The following RPA3 variants were observed in gnomAD, a reference collection of about 807,000 sequenced individuals.
RPA3 encodes replication protein A 14 kDa subunit.
Under a neutral mutation model 13.7 loss-of-function variants are expected in RPA3, and 24 were observed. That is an observed-to-expected ratio of 1.75 (90% CI 1.27 to 2.46). The LOEUF (loss-of-function observed/expected upper bound fraction) is 2.46. Among genes scored for constraint, RPA3 ranks in the 30% most tolerant of loss-of-function variants. The probability of loss-of-function intolerance (pLI) is 0.00; values close to 1 mark genes in which losing one functional copy is unlikely to be tolerated. For synonymous variants in RPA3, 59 were observed against 51.2 expected (o/e 1.15, Z -0.65); for missense variants, 183 against 151.0 (o/e 1.21, Z -1.11).
rs558181620 is a variant in RPA3 at position 7,645,166 on chromosome 7, A to G, written c.-757-3991T>C. On this transcript the variant is annotated intron_variant, in intron 4 of 7. Transcript: ENST00000223129. ...TTTTGGAATTTTCTATTCATATTTG[A>G]ATAATTATAGTTTTGTTTCTTAAGA... Among the ~76,000 whole-genome samples, 10 of 152,194 alleles carry G rather than the reference A, an allele frequency of 6.6e-5. 1 individual carries two copies. Among genetic ancestry groups the G allele is most frequent in the African/African-American group, 2.4e-4 (10 of 41,530 alleles).
intron 2 of RPA3, among the ~76,000 whole-genome samples, chr7:7,697,666 G>C (rs1024540927): frequency 2.0e-5 from 3 of 152,080 alleles, no homozygotes; most frequent in African/African-American, 7.2e-5. Context: ...TGTGACATTG[G>C]CACCCAGTGT....
intron 2 of RPA3, among the ~76,000 whole-genome samples, chr7:7,693,820 AAC>A (rs1389958053): frequency 2.0e-5 from 3 of 152,194 alleles, no homozygotes; most frequent in Non-Finnish European, 2.9e-5. Context: ...TAATCATATT[AAC>A]ACTACTTACC....
chr7:7,711,974 A>C (rs1780776609), intron 2 of RPA3, among the ~76,000 whole-genome samples: 1 of 152,082 alleles, frequency 6.6e-6, no homozygotes, highest in South Asian at 2.1e-4. Context: ...TTGTAGGGAT[A>C]ACCTATTTTC....
At chr7:7,638,058 T>A in intron 6 of RPA3, 86 bp from the exon 7 acceptor site, 1 of 862,542 alleles carries the variant, frequency 1.2e-6, no homozygotes, top group South Asian at 1.7e-5. Flanking sequence ...AGGTTACTAA[T>A]CTATCACTTC....
intron 4 of RPA3, among the ~76,000 whole-genome samples, chr7:7,653,217 A>C (rs1785267356): frequency 6.6e-6 from 1 of 152,230 alleles, no homozygotes; most frequent in South Asian, 2.1e-4. Flanking sequence ...AGTGTTATTT[A>C]CACTCAAATC....
chr7:7,690,732 A>G (rs1317090910), intron 2 of RPA3, among the ~76,000 whole-genome samples: 2 of 152,154 alleles, frequency 1.3e-5, no homozygotes, highest in African/African-American at 2.4e-5. Context: ...GTATTGAGCT[A>G]CCTTATATGA....
chr7:7,688,768 G>A (rs898887434), intron 2 of RPA3, among the ~76,000 whole-genome samples: 5 of 152,016 alleles, frequency 3.3e-5, no homozygotes, highest in African/African-American at 9.7e-5. Context: ...AACCCGCTGC[G>A]TATTTTATAA....
intron 4 of RPA3, among the ~76,000 whole-genome samples, chr7:7,664,083 G>A (rs1779369562): frequency 6.6e-6 from 1 of 152,142 alleles, no homozygotes; most frequent in Non-Finnish European, 1.5e-5. Flanking sequence ...TAAACATCGT[G>A]AATTTCTTGC....
intron 2 of RPA3, among the ~76,000 whole-genome samples, chr7:7,714,672 G>A (rs1780848268): frequency 6.6e-6 from 1 of 152,046 alleles, no homozygotes; most frequent in African/African-American, 2.4e-5. Flanking sequence ...ACATAAGAAA[G>A]ACTTAGAACT....
intron 4 of RPA3, among the ~76,000 whole-genome samples, chr7:7,642,745 C>T (rs1785003225): frequency 6.6e-6 from 1 of 152,140 alleles, no homozygotes; most frequent in Non-Finnish European, 1.5e-5. Flanking sequence ...AGAAATGGAA[C>T]TTTACCAGTT....
chr7:7,687,643 A>G, intron 2 of RPA3, among the ~76,000 whole-genome samples: 1 of 152,204 alleles, frequency 6.6e-6, no homozygotes, highest in Non-Finnish European at 1.5e-5. Flanking sequence ...ATTAAAGAGA[A>G]TTGCTGCCAA....
chr7:7,678,722 AATAT>A (rs368642047), intron 4 of RPA3, among the ~76,000 whole-genome samples: 1 of 110,278 alleles, frequency 9.1e-6, no homozygotes, highest in Non-Finnish European at 1.7e-5. Context: ...TTAGTTTATA[AATAT>A]ATATTTATAT....
At position 7,640,613 on chromosome 7, in the gene RPA3, C is replaced by A; in HGVS notation, c.-195G>T. On this transcript the variant is annotated 5_prime_UTR_variant, in exon 5 of 8. Coordinates refer to ENST00000223129, the MANE Select transcript of RPA3 (RefSeq NM_002947.5). ...GGGGTGGAGAAGGGGCTGGATGAGT[C>A]CGGAAGTGGAGATTGGCTGCTTAGT... 1.7e-6 allele frequency: 1 copy of A among 587,726 alleles called. No homozygotes were observed. Among genetic ancestry groups the A allele is most frequent in the East Asian group, 2.9e-5 (1 of 34,146 alleles). 36.4% of individuals were successfully genotyped at this position (587,726 alleles called of 1,614,324 possible). A position where few individuals can be genotyped will look rare whatever the true frequency, so the allele number is the denominator to read the frequency against.
rs753724537 is a variant in RPA3 at position 7,639,178 on chromosome 7, AAAC to A, written c.100-37_100-35del. ...GAAACATATAATTAAAATCTCACTA[AAAC>A]AACAACAAAGTTTGACTAAAGATGA... On this transcript the variant is annotated intron_variant, in intron 5 of 7. Coordinates refer to ENST00000223129, the MANE Select transcript of RPA3 (RefSeq NM_002947.5). 1.4e-5 allele frequency: 22 copies of A among 1,546,634 alleles called. No individual in the cohort carries two copies. In the African/African-American group the frequency reaches 2.6e-4, roughly 18 times the overall value.
chr7:7,655,306 G>A (rs541851424), intron 4 of RPA3, among the ~76,000 whole-genome samples: 2 of 152,250 alleles, frequency 1.3e-5, no homozygotes, highest in South Asian at 4.1e-4. Context: ...TTTCATGTTT[G>A]AAATCCACGT....
chr7:7,716,953 T>C lies in RPA3; in HGVS notation c.-1080+1562A>G, dbSNP rs192023304. 1.5e-3 allele frequency among the ~76,000 whole-genome samples: 231 copies of C among 152,210 alleles called. 1 individual carries two copies. The highest frequency in any genetic ancestry group is 2.5e-3 in the Non-Finnish European group (168 of 67,992). On this transcript the variant is annotated intron_variant, in intron 1 of 7. Transcript: ENST00000223129. ...TATGTAAATCAGACACCGCCTCCTA[T>C]AAAACCAACCTCTTCTTGCCCTGAA...
At chr7:7,701,224 A>G (rs1259321784) in intron 2 of RPA3, among the ~76,000 whole-genome samples, 2 of 151,228 alleles carry the variant, frequency 1.3e-5, no homozygotes, top group African/African-American at 4.8e-5. Context: ...GAACTGTATC[A>G]TTTCCTCTCT....
rs184483621 is a variant in RPA3 at position 7,656,370 on chromosome 7, G to A, written c.-757-15195C>T. On this transcript the variant is annotated intron_variant, in intron 4 of 7. Transcript: ENST00000223129. ...CTGGAGTACATGTACAGAACGTGCA[G>A]GTTTGTTTCATAGGTATACACGTGC... 2.4e-3 allele frequency among the ~76,000 whole-genome samples: 371 copies of A among 152,154 alleles called. 1 individual carries two copies. The highest frequency in any genetic ancestry group is 8.6e-3 in the African/African-American group (355 of 41,486).
At chr7:7,670,143 C>A (rs1779570325) in intron 4 of RPA3, among the ~76,000 whole-genome samples, 1 of 152,100 alleles carries the variant, frequency 6.6e-6, no homozygotes, top group Non-Finnish European at 1.5e-5. Context: ...TGTTTGTTTT[C>A]TTATACTACA....
Sources: gnomAD v4.1 joint callset for allele counts (sites outside exome capture counted in the v4.1 genomes callset) on GRCh38, gnomAD v4.1.1 for gene constraint, MANE v1.5 for transcripts, NCBI Gene and HGNC (gene_info 2026-07-23, HGNC 2026-07-21) for gene names.